The following FLNB variants were observed in gnomAD, a reference collection of about 807,000 sequenced individuals.
The protein encoded by FLNB is filamin-B.
A neutral mutation model predicts 250.6 loss-of-function variants in FLNB; 111 were observed. The ratio of observed to expected loss-of-function variants is 0.44; its 90% CI spans 0.38 to 0.52. The LOEUF is 0.52. FLNB is among the 20% of genes least tolerant of loss of function. The pLI is 0.00. For missense variants in FLNB, 2,869 were observed against 3,447.8 expected (o/e 0.83, Z 4.20); for synonymous variants, 1,302 against 1,372.1 (o/e 0.95, Z 1.13).
At chr3:58,011,352 A>G (rs372998051) in intron 1 of FLNB, among the ~76,000 whole-genome samples, 93 of 152,160 alleles carry the variant, frequency 6.1e-4, no homozygotes, top group African/African-American at 2.2e-3. Context: ...CACAACTTGC[A>G]TTCTATTTTT....
chr3:58,110,596 C>T (rs550869652), intron 16 of FLNB, among the ~76,000 whole-genome samples: 16 of 152,072 alleles, frequency 1.1e-4, no homozygotes, highest in African/African-American at 3.4e-4. Flanking sequence ...GATTACAGGC[C>T]ACCACGCCTG....
In FLNB at chr3:58,098,920, G is replaced by C. The variant is rs772502797; in HGVS notation, c.1345+12G>C. 2.5e-6 allele frequency: 4 copies of C among 1,612,092 alleles called. No individual in the cohort carries two copies. Among genetic ancestry groups the C allele is most frequent in the Non-Finnish European group, 3.4e-6 (4 of 1,178,568 alleles). ...GCAGGTTGGGGAAGGTGAGTGCTGGGCTGCTGGCCACATGTGCTTCTCATA... is the reference window on the plus strand; with the variant it reads ...GCAGGTTGGGGAAGGTGAGTGCTGGCCTGCTGGCCACATGTGCTTCTCATA... On this transcript the variant is annotated intron_variant, in intron 8 of 45. Coordinates refer to ENST00000295956, the MANE Select transcript of FLNB (RefSeq NM_001457.4).
chr3:58,021,460 C>T (rs2097113971), intron 1 of FLNB, among the ~76,000 whole-genome samples: 1 of 152,088 alleles, frequency 6.6e-6, no homozygotes, highest in East Asian at 1.9e-4. Flanking sequence ...TTCTAGCCAT[C>T]TGGAGGCAGA....
intron 1 of FLNB, among the ~76,000 whole-genome samples, chr3:58,031,999 G>A (rs2097131761): frequency 1.3e-5 from 2 of 151,914 alleles, no homozygotes. Context: ...CATGAACATG[G>A]CTCACTGCAG....
rs1470699812 is a variant in FLNB, at chr3:58,143,561, TGAG to T, written c.5375_5377del (p.Glu1792del). On this transcript the variant is annotated inframe_deletion, in exon 32 of 46. Transcript: ENST00000295956. The stretch of plus-strand genomic sequence containing the variant: ...CGGTCACTGTTAGATATGCCCCCAC[TGAG>T]GTCGGGCTCCATGAGATGCACATCA... 2 of 1,614,098 alleles carry T rather than the reference TGAG, an allele frequency of 1.2e-6. No homozygotes were observed. The highest frequency in any genetic ancestry group is 1.7e-6 in the Non-Finnish European group (2 of 1,180,012).
intron 1 of FLNB, among the ~76,000 whole-genome samples, chr3:58,030,212 G>C (rs2097129038): frequency 6.6e-6 from 1 of 152,170 alleles, no homozygotes; most frequent in Admixed American, 6.5e-5. Flanking sequence ...GGGTGAATCG[G>C]ATAGCAAGAA....
intron 1 of FLNB, among the ~76,000 whole-genome samples, chr3:58,074,936 C>T (rs2097199627): frequency 6.6e-6 from 1 of 152,010 alleles, no homozygotes; most frequent in African/African-American, 2.4e-5. Context: ...TGAATCTGCA[C>T]CTGCAAAATT....
chr3:58,148,484 G>A (rs1015958743), intron 35 of FLNB, 120 bp downstream of exon 35: 8 of 1,311,190 alleles, frequency 6.1e-6, no homozygotes, highest in South Asian at 5.0e-5. Context: ...AACCTGCTGG[G>A]TCACACGCAC....
intron 13 of FLNB, 120 bp from the exon 14 acceptor site, chr3:58,109,059 T>C: frequency 9.0e-7 from 1 of 1,108,940 alleles, no homozygotes; most frequent in South Asian, 1.3e-5. Context: ...TTGTAGTTGG[T>C]CCATGAAGTT....
intron 3 of FLNB, among the ~76,000 whole-genome samples, chr3:58,081,241 C>T (rs936129337): frequency 1.3e-5 from 2 of 152,062 alleles, no homozygotes; most frequent in Non-Finnish European, 2.9e-5. Context: ...GCTGGTTAAC[C>T]TGTGCACTTT....
chr3:58,069,399 C>T (rs546057128), intron 1 of FLNB, among the ~76,000 whole-genome samples: 1 of 151,998 alleles, frequency 6.6e-6, no homozygotes, highest in Admixed American at 6.5e-5. Context: ...CACCGCCATG[C>T]CTGGCTGATT....
intron 42 of FLNB, among the ~76,000 whole-genome samples, chr3:58,160,395 A>C (rs1044498775): frequency 2.0e-5 from 3 of 152,250 alleles, no homozygotes; most frequent in Non-Finnish European, 2.9e-5. Context: ...TAATAAATTT[A>C]TTAAGTGTCA....
At chr3:58,168,352 A>T in intron 43 of FLNB, 88 bp from the exon 44 acceptor site, 4 of 970,488 alleles carry the variant, frequency 4.1e-6, no homozygotes, top group South Asian at 4.1e-5. Context: ...CTGTAAGGGG[A>T]TCTATGTGTG....
At chr3:58,167,986 GGAAGGGAGGA>G (rs1223654161) in intron 43 of FLNB, among the ~76,000 whole-genome samples, 1 of 152,210 alleles carries the variant, frequency 6.6e-6, no homozygotes, top group African/African-American at 2.4e-5. Context: ...GGGCTGAGGA[GGAAGGGAGGA>G]GATGCTTGGC....
Position 58,108,844 on chromosome 3 carries a change from TG to T in FLNB, c.2055+274del, listed in dbSNP as rs35415261. ...TAATGTCTTTTGGTGTGGCTGAAGC[TG>T]CTGAGGCCATGGGGGGAGATTTGTA... On this transcript the variant is annotated intron_variant, in intron 13 of 45. Coordinates refer to ENST00000295956, the MANE Select transcript of FLNB (RefSeq NM_001457.4). Among the ~76,000 whole-genome samples, 9,799 of 152,300 alleles carry T rather than the reference TG, an allele frequency of 0.064. 450 individuals carry two copies. The highest frequency in any genetic ancestry group is 0.095 in the Non-Finnish European group (6,437 of 68,030).
intron 1 of FLNB, among the ~76,000 whole-genome samples, chr3:58,013,365 C>G (rs1350923951): frequency 6.6e-6 from 1 of 152,336 alleles, no homozygotes; most frequent in East Asian, 1.9e-4. Context: ...GGTCACTAGG[C>G]AGCTTCCAGG....
intron 1 of FLNB, among the ~76,000 whole-genome samples, chr3:58,039,329 G>A (rs1463274458): frequency 1.3e-5 from 2 of 149,370 alleles, no homozygotes; most frequent in African/African-American, 4.9e-5. Flanking sequence ...AAAAAAAGGT[G>A]TAGAAAAGTG....
chr3:58,159,372 T>C (rs924030949), intron 41 of FLNB, among the ~76,000 whole-genome samples, 182 bp from the exon 42 acceptor site: 1 of 152,186 alleles, frequency 6.6e-6, no homozygotes, highest in African/African-American at 2.4e-5. Context: ...ACCATGCAGA[T>C]GCACGTCTCT....
intron 25 of FLNB, among the ~76,000 whole-genome samples, chr3:58,131,216 G>A (rs185886337): frequency 6.6e-6 from 1 of 152,294 alleles, no homozygotes; most frequent in East Asian, 1.9e-4. Context: ...GCATTTGTGA[G>A]GGGGTGGGTT....
Sources: gnomAD v4.1 joint callset for allele counts (sites outside exome capture counted in the v4.1 genomes callset) on GRCh38, gnomAD v4.1.1 for gene constraint, MANE v1.5 for transcripts, NCBI Gene and HGNC (gene_info 2026-07-23, HGNC 2026-07-21) for gene names.